The following CNNM2 variants were observed in gnomAD, a reference collection of about 807,000 sequenced individuals.
CNNM2 encodes the protein cyclin and CBS domain divalent metal cation transport mediator 2, also known as metal transporter CNNM2.
Under a neutral mutation model 66.9 loss-of-function variants are expected in CNNM2, and 12 were observed. That is an observed-to-expected ratio of 0.18 (90% CI 0.11 to 0.29). The LOEUF (loss-of-function observed/expected upper bound fraction) is 0.29. CNNM2 is among the 10% of genes least tolerant of loss of function. CNNM2 has a pLI of 1.00. For missense variants in CNNM2, 705 were observed against 1,167.7 expected, an observed-to-expected ratio of 0.60 and a Z score of 5.77; for synonymous variants, 557 against 501.8, an observed-to-expected ratio of 1.11 and a Z score of -1.47.
At chr10:102,982,014 AC>A (rs1195909323) in intron 1 of CNNM2, among the ~76,000 whole-genome samples, 1 of 152,110 alleles carries the variant, frequency 6.6e-6, no homozygotes, top group Admixed American at 6.6e-5. Context: ...TGCTTTTCTT[AC>A]ATTTGAAGTA....
At chr10:102,998,381 TC>T (rs2064043648) in intron 1 of CNNM2, among the ~76,000 whole-genome samples, 1 of 152,218 alleles carries the variant, frequency 6.6e-6, no homozygotes, top group Admixed American at 6.5e-5. Flanking sequence ...ATAAGTACTT[TC>T]CATTCTTTAA....
At chr10:103,072,372 G>A (rs913753668) in intron 6 of CNNM2, among the ~76,000 whole-genome samples, 1 of 152,240 alleles carries the variant, frequency 6.6e-6, no homozygotes, top group African/African-American at 2.4e-5. Context: ...ATCCGTGTGA[G>A]TGGAGCGCGA....
At chr10:103,023,067 TA>T (rs1266294324) in intron 1 of CNNM2, among the ~76,000 whole-genome samples, 1 of 152,084 alleles carries the variant, frequency 6.6e-6, no homozygotes, top group African/African-American at 2.4e-5. Flanking sequence ...CACACTCGGC[TA>T]ATTTTTTGTA....
At chr10:103,015,787 A>G (rs1423907994) in intron 1 of CNNM2, among the ~76,000 whole-genome samples, 1 of 152,120 alleles carries the variant, frequency 6.6e-6, no homozygotes, top group Non-Finnish European at 1.5e-5. Context: ...CGGGAGGTAG[A>G]AGTTCCAGTG....
At chr10:102,967,545 T>TACTTTC (rs1480609249) in intron 1 of CNNM2, among the ~76,000 whole-genome samples, 1 of 152,250 alleles carries the variant, frequency 6.6e-6, no homozygotes, top group Non-Finnish European at 1.5e-5. Flanking sequence ...TTTGTTTGGC[T>TACTTTC]ACTTTCACTT....
chr10:102,922,660 G>T (rs1052532659), intron 1 of CNNM2, among the ~76,000 whole-genome samples: 1 of 152,094 alleles, frequency 6.6e-6, no homozygotes, highest in Non-Finnish European at 1.5e-5. Flanking sequence ...TATCCTTTTG[G>T]CTAGGCATGG....
intron 1 of CNNM2, among the ~76,000 whole-genome samples, chr10:102,993,253 A>G (rs764114954): frequency 2.6e-5 from 4 of 152,206 alleles, no homozygotes; most frequent in African/African-American, 7.2e-5. Context: ...GAGGTCTTAA[A>G]TATTTCCCAT....
Position 103,054,300 on chromosome 10 carries a change from T to C in CNNM2, c.1766-29T>C, listed in dbSNP as rs2065262448. The stretch of plus-strand genomic sequence containing the variant: ...CTCATCTCATGGGATGCATTTCTTT[T>C]TTTTTCTCTCTTTTAATTCCTCCCT... On this transcript the variant is annotated intron_variant, in intron 2 of 7. Coordinates refer to ENST00000369878, the MANE Select transcript of CNNM2 (RefSeq NM_017649.5). The surrounding 1 kb of genome is among the most constrained non-coding windows in gnomAD (Gnocchi z 5.2). 2 of 1,608,618 alleles carry C rather than the reference T, an allele frequency of 1.2e-6. No homozygotes were observed. The highest frequency in any genetic ancestry group is 1.7e-4 in the Middle Eastern group (1 of 6,036).
rs1268617974 is a variant in CNNM2, at chr10:103,090,172, C to T, written c.*12992C>T. 2 of 408,256 alleles carry T rather than the reference C, an allele frequency of 4.9e-6. No individual in the cohort carries two copies. The highest frequency in any genetic ancestry group is 2.0e-5 in the African/African-American group (1 of 49,272). The allele number at this position is 408,256 out of a possible 1,614,324, so 25.3% of individuals were successfully genotyped here. A position where few individuals can be genotyped will look rare whatever the true frequency, so the allele number is the denominator to read the frequency against. ...GGGGAGTTTACTTTCTATTTTACAG[C>T]AAAAACAAGATAGTCCTGAAACAGA... On this transcript the variant is annotated 3_prime_UTR_variant, in exon 8 of 8. Coordinates refer to ENST00000369878, the MANE Select transcript of CNNM2 (RefSeq NM_017649.5).
chr10:103,016,164 A>G (rs906044743), intron 1 of CNNM2, among the ~76,000 whole-genome samples: 4 of 152,076 alleles, frequency 2.6e-5, no homozygotes, highest in African/African-American at 4.8e-5. Context: ...AGAATCAGCT[A>G]TTCTCCATGG....
rs12242000 is a variant in CNNM2 at position 102,942,656 on chromosome 10, A to C, written c.1621+22555A>C. 0.1 allele frequency among the ~76,000 whole-genome samples: 15,882 copies of C among 152,208 alleles called. 852 individuals are homozygous for C. The highest frequency in any genetic ancestry group is 0.18 in the Middle Eastern group (52 of 294). ...AACATCTGTTGGAGTCCCTGCTTTG[A>C]GTTCTTTTGGATATATAACCAGAAG... is the stretch of plus-strand genomic sequence containing the variant. On this transcript the variant is annotated intron_variant, in intron 1 of 7. Coordinates refer to ENST00000369878, the MANE Select transcript of CNNM2 (RefSeq NM_017649.5).
chr10:102,934,276 TTTC>T lies in CNNM2; in HGVS notation c.1621+14178_1621+14180del, dbSNP rs1490244543. Among the ~76,000 whole-genome samples, 9 of 94,550 alleles carry T rather than the reference TTTC, an allele frequency of 9.5e-5. No individual in the cohort carries two copies. In the East Asian group the frequency reaches 1.2e-3, roughly 13 times the overall value. The allele number at this position is 94,550 out of a possible 152,430, so 62.0% of individuals were successfully genotyped here. A position where few individuals can be genotyped will look rare whatever the true frequency, so the allele number is the denominator to read the frequency against. On this transcript the variant is annotated intron_variant, in intron 1 of 7. Transcript: ENST00000369878. ...GCAAGTCTATTTCTTTCTTTCTTTC[TTTC>T]TTTTTTTTTTTTTGAGACAGAGCCT...
intron 1 of CNNM2, among the ~76,000 whole-genome samples, chr10:102,959,332 G>C (rs191180484): frequency 6.6e-6 from 1 of 152,328 alleles, no homozygotes; most frequent in Admixed American, 6.5e-5. Flanking sequence ...TTGTAGAAGA[G>C]TAAATGGTGT....
intron 1 of CNNM2, among the ~76,000 whole-genome samples, chr10:102,971,696 C>CT (rs1242228818): frequency 6.6e-6 from 1 of 152,004 alleles, no homozygotes; most frequent in Non-Finnish European, 1.5e-5. Context: ...GCTGCATGGC[C>CT]TTTTTTTGTA....
chr10:102,922,607 TC>T (rs1407900415), intron 1 of CNNM2, among the ~76,000 whole-genome samples: 1 of 152,070 alleles, frequency 6.6e-6, no homozygotes, highest in Non-Finnish European at 1.5e-5. Context: ...CAATTGTAAC[TC>T]CCCAGACCAG....
intron 1 of CNNM2, among the ~76,000 whole-genome samples, chr10:102,947,196 G>T (rs1846647255): frequency 1.3e-5 from 2 of 151,930 alleles, no homozygotes; most frequent in Admixed American, 6.6e-5. Flanking sequence ...TGCTTCATAG[G>T]TACTATAATC....
chr10:103,076,949 C>T (rs778197039), intron 7 of CNNM2, 22 bp from the exon 8 acceptor site: 4 of 1,608,868 alleles, frequency 2.5e-6, no homozygotes, highest in Non-Finnish European at 3.4e-6. Flanking sequence ...GGTTTGTTTT[C>T]TGTGCCATCT....
At chr10:103,075,536 C>T (rs1021723342) in intron 6 of CNNM2, among the ~76,000 whole-genome samples, 2 of 152,170 alleles carry the variant, frequency 1.3e-5, no homozygotes, top group Non-Finnish European at 2.9e-5. Context: ...GAGACATCCT[C>T]GGGCTACCTG....
intron 1 of CNNM2, among the ~76,000 whole-genome samples, chr10:102,931,837 T>C (rs530668338): frequency 1.4e-4 from 21 of 150,168 alleles, no homozygotes; most frequent in African/African-American, 4.9e-4. Context: ...CACCAGCACT[T>C]GTTATTGTTA....
Sources: gnomAD v4.1 joint callset for allele counts (sites outside exome capture counted in the v4.1 genomes callset) on GRCh38, gnomAD v4.1.1 for gene constraint, Gnocchi (gnomAD v3.1) non-coding constraint, MANE v1.5 for transcripts, NCBI Gene and HGNC (gene_info 2026-07-23, HGNC 2026-07-21) for gene names.